Variants in FGF14 observed in about 807,000 individuals in gnomAD.
FGF14 encodes fibroblast growth factor 14, also known as fibroblast growth factor homologous factor 4.
A neutral mutation model predicts 25.5 loss-of-function variants in FGF14; 5 were observed. The observed-to-expected ratio is 0.20, with a 90% CI of 0.10 to 0.41. The LOEUF (loss-of-function observed/expected upper bound fraction) is 0.41, where lower values mean the gene tolerates loss of function less well. Among genes scored for constraint, FGF14 ranks in the 10% least tolerant of loss-of-function variants. FGF14 has a pLI of 1.00. For synonymous variants in FGF14, 138 were observed against 118.3 expected (o/e 1.17, Z -1.08); for missense variants, 222 against 320.1 (o/e 0.69, Z 2.34).
At chr13:101,727,213 G>T (rs1192445001) in intron 3 of FGF14, among the ~76,000 whole-genome samples, 1 of 152,064 alleles carries the variant, frequency 6.6e-6, no homozygotes, top group African/African-American at 2.4e-5. Context: ...TAGGAACAGT[G>T]ATATAATACT....
At chr13:102,380,137 AAT>A (rs2058146754) in intron 1 of FGF14, among the ~76,000 whole-genome samples, 1 of 151,726 alleles carries the variant, frequency 6.6e-6, no homozygotes, top group African/African-American at 2.4e-5. Flanking sequence ...ATTTAGATAT[AAT>A]ACAAAGGAAG....
intron 4 of FGF14, among the ~76,000 whole-genome samples, chr13:101,726,235 A>G (rs2035422111): frequency 6.6e-6 from 1 of 152,080 alleles, no homozygotes; most frequent in African/African-American, 2.4e-5. Flanking sequence ...TATTTTTTCT[A>G]ATATACTTAT....
intron 1 of FGF14, among the ~76,000 whole-genome samples, chr13:102,161,647 A>T (rs1223469078): frequency 0.063 from 1,240 of 19,788 alleles, 131 homozygotes; most frequent in East Asian, 0.21. Flanking sequence ...GAAGAAGAAG[A>T]AGAAGAAGAA....
intron 1 of FGF14, among the ~76,000 whole-genome samples, chr13:102,069,111 A>C (rs1435073331): frequency 1.3e-5 from 2 of 150,958 alleles, no homozygotes; most frequent in Non-Finnish European, 2.9e-5. Context: ...TAAATACACC[A>C]ATCGGCACTT....
At chr13:102,092,969 A>C in intron 1 of FGF14, among the ~76,000 whole-genome samples, 1 of 152,212 alleles carries the variant, frequency 6.6e-6, no homozygotes, top group East Asian at 1.9e-4. Flanking sequence ...AGCTGAAGTT[A>C]GGGGAGAAAG....
chr13:101,933,209 G>T (rs1206846994), intron 1 of FGF14, among the ~76,000 whole-genome samples: 1 of 152,098 alleles, frequency 6.6e-6, no homozygotes, highest in African/African-American at 2.4e-5. Flanking sequence ...ACTAACCAAA[G>T]TTATCGATAT....
chr13:102,015,636 T>C (rs926335076), intron 1 of FGF14, among the ~76,000 whole-genome samples: 4 of 152,160 alleles, frequency 2.6e-5, no homozygotes, highest in Non-Finnish European at 5.9e-5. Flanking sequence ...ATGGAGGCAA[T>C]GCATCAGTGT....
intron 1 of FGF14, among the ~76,000 whole-genome samples, chr13:102,067,735 A>G (rs2042963423): frequency 6.6e-6 from 1 of 151,490 alleles, no homozygotes; most frequent in Admixed American, 6.6e-5. Context: ...TAGGGTGGAG[A>G]GTTTATTTAA....
At chr13:102,103,753 G>A (rs1005117564) in intron 1 of FGF14, among the ~76,000 whole-genome samples, 8 of 152,088 alleles carry the variant, frequency 5.3e-5, no homozygotes, top group Non-Finnish European at 8.8e-5. Context: ...TTTATTTTAG[G>A]TCCTGGCCCC....
In FGF14 at chr13:102,100,475, C is replaced by T. The variant is rs74108980; in HGVS notation, c.209-225179G>A. Among the ~76,000 whole-genome samples, 1,448 of 152,292 alleles carry T rather than the reference C, an allele frequency of 9.5e-3. 23 individuals carry two copies. The highest frequency in any genetic ancestry group is 0.034 in the African/African-American group (1,394 of 41,564). ...CAGAACAGAAGGAGGTGCTTCCGGACCGCTTGTCCAGCCAGCATGTCAGGT... is the reference window on the plus strand; with the variant it reads ...CAGAACAGAAGGAGGTGCTTCCGGATCGCTTGTCCAGCCAGCATGTCAGGT... On this transcript the variant is annotated intron_variant, in intron 1 of 4. Transcript: ENST00000376131.
intron 1 of FGF14, among the ~76,000 whole-genome samples, chr13:102,277,604 C>A (rs2053610863): frequency 6.6e-6 from 1 of 152,214 alleles, no homozygotes; most frequent in Non-Finnish European, 1.5e-5. Flanking sequence ...CCTCCCATTA[C>A]CCCGCTGGAC....
At chr13:101,879,929 T>G (rs1327504662) in intron 1 of FGF14, among the ~76,000 whole-genome samples, 2 of 152,084 alleles carry the variant, frequency 1.3e-5, no homozygotes, top group African/African-American at 4.8e-5. Context: ...ATAAACTGTG[T>G]CCAGGAACTT....
chr13:102,256,335 A>C (rs1422944436), intron 1 of FGF14, among the ~76,000 whole-genome samples: 1 of 152,006 alleles, frequency 6.6e-6, no homozygotes, highest in Non-Finnish European at 1.5e-5. Flanking sequence ...TCTACAAAAA[A>C]AAATTAAAAA....
intron 1 of FGF14, among the ~76,000 whole-genome samples, chr13:102,079,930 A>G (rs1430408834): frequency 1.3e-5 from 2 of 152,184 alleles, no homozygotes; most frequent in South Asian, 2.1e-4. Context: ...AGCAGGATCA[A>G]TAAGTGGTGC....
Position 101,858,522 on chromosome 13 carries a change from C to T in FGF14, c.408+10203G>A, listed in dbSNP as rs2044244590. Among the ~76,000 whole-genome samples the T allele has an allele frequency of 2.0e-5, 3 of 151,910 alleles. No homozygotes were observed. The South Asian group carries it at 6.2e-4, about 32-fold the overall frequency. On this transcript the variant is annotated intron_variant, in intron 3 of 4. Coordinates refer to ENST00000376143, the MANE Select transcript of FGF14 (RefSeq NM_004115.4). Reference sequence around the variant, plus strand: ...TAGTGTTTCATCTATTGTTTTAGGCCTTCATGTTTTAGATCATCTTTGAAA... The same window carrying T: ...TAGTGTTTCATCTATTGTTTTAGGCTTTCATGTTTTAGATCATCTTTGAAA...
At chr13:102,048,425 C>G (rs2042085283) in intron 1 of FGF14, among the ~76,000 whole-genome samples, 1 of 152,086 alleles carries the variant, frequency 6.6e-6, no homozygotes, top group Admixed American at 6.6e-5. Flanking sequence ...TTTGTTACAT[C>G]TTTCACTTTG....
intron 3 of FGF14, among the ~76,000 whole-genome samples, chr13:101,741,643 A>T (rs1275788538): frequency 6.6e-6 from 1 of 152,102 alleles, no homozygotes. Flanking sequence ...GTAAAAAAAA[A>T]AAAAAAAGAA....
In FGF14 at chr13:102,031,942, A is replaced by G. The variant is rs925248483; in HGVS notation, c.209-156646T>C. On this transcript the variant is annotated intron_variant, in intron 1 of 4. Coordinates refer to the FGF14 transcript ENST00000376131. Reference sequence around the variant, plus strand: ...AAGAGTAACAACAAAATTAACATTCATTGCCGTACTTTTCTAACATTACAA... The same window carrying G: ...AAGAGTAACAACAAAATTAACATTCGTTGCCGTACTTTTCTAACATTACAA... 2.0e-5 allele frequency among the ~76,000 whole-genome samples: 3 copies of G among 152,222 alleles called. No individual in the cohort carries two copies. In the East Asian group the frequency reaches 5.8e-4, roughly 29 times the overall value.
intron 1 of FGF14, among the ~76,000 whole-genome samples, chr13:102,087,575 C>CTG (rs1230916480): frequency 1.3e-5 from 1 of 79,880 alleles, no homozygotes; most frequent in East Asian, 4.2e-4. Context: ...CCATGCCTGG[C>CTG]TTTTTTTTTT....
Sources: gnomAD v4.1 joint callset for allele counts (sites outside exome capture counted in the v4.1 genomes callset) on GRCh38, gnomAD v4.1.1 for gene constraint, MANE v1.5 for transcripts, NCBI Gene and HGNC (gene_info 2026-07-23, HGNC 2026-07-21) for gene names.